Variants in NLGN1 observed in about 807,000 individuals in gnomAD.
NLGN1 encodes the protein neuroligin 1, also known as neuroligin-1.
Under a neutral mutation model 65.5 loss-of-function variants are expected in NLGN1, and 12 were observed. The observed-to-expected ratio is 0.18, with a 90% confidence interval of 0.12 to 0.30. NLGN1 has a LOEUF of 0.30. Ranked by LOEUF, NLGN1 falls within the 10% of genes least tolerant of loss-of-function variation. NLGN1 has a pLI of 1.00. For synonymous variants in NLGN1, 350 were observed against 359.5 expected (o/e 0.97, Z 0.30); for missense variants, 750 against 1,007.1 (o/e 0.74, Z 3.46).
At chr3:173,689,209 G>T (rs1004753089) in intron 3 of NLGN1, among the ~76,000 whole-genome samples, 3 of 152,196 alleles carry the variant, frequency 2.0e-5, no homozygotes, top group African/African-American at 7.2e-5. Context: ...TCCTGGACAT[G>T]TGGGACTGTG....
chr3:174,033,185 A>G (rs911226889), intron 4 of NLGN1, among the ~76,000 whole-genome samples: 3 of 152,154 alleles, frequency 2.0e-5, no homozygotes, highest in African/African-American at 7.2e-5. Context: ...AGCTGAAAAG[A>G]TGCAAGACAC....
chr3:173,650,446 G>A (rs1449856077), intron 3 of NLGN1, among the ~76,000 whole-genome samples: 3 of 152,098 alleles, frequency 2.0e-5, no homozygotes, highest in Non-Finnish European at 4.4e-5. Flanking sequence ...CACCACAATG[G>A]TTATTGTATA....
At chr3:174,122,514 G>T (rs893083567) in intron 4 of NLGN1, among the ~76,000 whole-genome samples, 3 of 152,118 alleles carry the variant, frequency 2.0e-5, no homozygotes, top group Admixed American at 1.3e-4. Flanking sequence ...CTACCTAGAG[G>T]GGGAGATTAT....
intron 3 of NLGN1, among the ~76,000 whole-genome samples, chr3:173,723,058 T>G (rs1771123977): frequency 6.6e-6 from 1 of 152,142 alleles, no homozygotes; most frequent in African/African-American, 2.4e-5. Flanking sequence ...CGGGGACATA[T>G]CACATAGAAT....
chr3:173,924,138 T>C (rs1742569071), intron 4 of NLGN1, among the ~76,000 whole-genome samples: 1 of 152,128 alleles, frequency 6.6e-6, no homozygotes, highest in South Asian at 2.1e-4. Flanking sequence ...AAAACATTTG[T>C]TTAGTAATCA....
chr3:173,750,262 C>T (rs1469136568), intron 3 of NLGN1, among the ~76,000 whole-genome samples: 1 of 152,000 alleles, frequency 6.6e-6, no homozygotes, highest in African/African-American at 2.4e-5. Flanking sequence ...TCATGTTGTC[C>T]AGGCTATGTG....
At chr3:173,934,387 G>C (rs530350709) in intron 4 of NLGN1, among the ~76,000 whole-genome samples, 5 of 150,716 alleles carry the variant, frequency 3.3e-5, no homozygotes, top group African/African-American at 7.3e-5. Flanking sequence ...TTTATGAAGC[G>C]GTTGCAAGAA....
At chr3:173,827,629 ATGTGTGTGTG>A (rs59670610) in intron 4 of NLGN1, among the ~76,000 whole-genome samples, 9,764 of 146,624 alleles carry the variant, frequency 0.067, 381 homozygotes, top group African/African-American at 0.085. Context: ...TATTTATGAT[ATGTGTGTGTG>A]TGTGTGTGTG....
intron 2 of NLGN1, among the ~76,000 whole-genome samples, chr3:173,525,521 T>C (rs1175331005): frequency 2.0e-5 from 3 of 151,990 alleles, no homozygotes; most frequent in Admixed American, 2.0e-4. Flanking sequence ...TTGGTTAACA[T>C]AGAAATTTAT....
At chr3:174,107,311 C>A (rs1248396227) in intron 4 of NLGN1, among the ~76,000 whole-genome samples, 1 of 152,098 alleles carries the variant, frequency 6.6e-6, no homozygotes, top group Non-Finnish European at 1.5e-5. Flanking sequence ...CCTATGACAA[C>A]CACTACTCTG....
chr3:174,198,776 C>G (rs1015424876), intron 4 of NLGN1, among the ~76,000 whole-genome samples: 5 of 150,616 alleles, frequency 3.3e-5, no homozygotes, highest in African/African-American at 1.2e-4. Context: ...CTTCTCTCCC[C>G]TGGGGTATTA....
intron 3 of NLGN1, among the ~76,000 whole-genome samples, chr3:173,681,769 C>A (rs553251656): frequency 2.0e-5 from 3 of 152,280 alleles, no homozygotes; most frequent in African/African-American, 4.8e-5. Flanking sequence ...CAGACAGTAA[C>A]CCCCCTCACA....
chr3:173,567,852 A>T (rs1743949436), intron 2 of NLGN1, among the ~76,000 whole-genome samples: 1 of 152,092 alleles, frequency 6.6e-6, no homozygotes, highest in Non-Finnish European at 1.5e-5. Flanking sequence ...GAAAGGGAAA[A>T]TATTTACCCT....
At chr3:174,266,337 C>G (rs1006379900) in intron 4 of NLGN1, among the ~76,000 whole-genome samples, 1 of 152,194 alleles carries the variant, frequency 6.6e-6, no homozygotes, top group South Asian at 2.1e-4. Context: ...TGTTAATTTG[C>G]GTAGGATAAT....
At chr3:173,858,107 T>C (rs1028172216) in intron 4 of NLGN1, among the ~76,000 whole-genome samples, 5 of 152,114 alleles carry the variant, frequency 3.3e-5, no homozygotes, top group Admixed American at 1.3e-4. Flanking sequence ...AGAGAACTAT[T>C]TCAAGAACCT....
intron 4 of NLGN1, among the ~76,000 whole-genome samples, chr3:173,997,280 C>T (rs1722457611): frequency 6.6e-6 from 1 of 152,034 alleles, no homozygotes; most frequent in South Asian, 2.1e-4. Flanking sequence ...ACAATGTTCC[C>T]ACCACACCCA....
At chr3:173,730,205 A>G (rs549021683) in intron 3 of NLGN1, among the ~76,000 whole-genome samples, 1 of 151,594 alleles carries the variant, frequency 6.6e-6, no homozygotes, top group Admixed American at 6.6e-5. Context: ...ACCAGGATAC[A>G]AGAGAAAGAG....
intron 4 of NLGN1, among the ~76,000 whole-genome samples, chr3:174,131,177 T>C (rs769325862): frequency 2.6e-5 from 4 of 152,238 alleles, no homozygotes; most frequent in Non-Finnish European, 4.4e-5. Flanking sequence ...CCAAGGCTAA[T>C]GTACGAAATA....
At chr3:174,051,617 C>A (rs1468122029) in intron 4 of NLGN1, among the ~76,000 whole-genome samples, 1 of 151,918 alleles carries the variant, frequency 6.6e-6, no homozygotes, top group African/African-American at 2.4e-5. Context: ...CTGAAAAGCT[C>A]ATAAATGAGG....
Sources: gnomAD v4.1 joint callset for allele counts (sites outside exome capture counted in the v4.1 genomes callset) on GRCh38, gnomAD v4.1.1 for gene constraint, MANE v1.5 for transcripts, NCBI Gene and HGNC (gene_info 2026-07-23, HGNC 2026-07-21) for gene names.